Variants in KLF17 observed in about 807,000 individuals in gnomAD.
KLF17 encodes the protein Krueppel-like factor 17.
KLF17 carries 31 observed loss-of-function variants against 34.2 expected under a neutral mutation model. The ratio of observed to expected loss-of-function variants is 0.91; its 90% CI spans 0.68 to 1.22. The LOEUF (loss-of-function observed/expected upper bound fraction) is 1.22. Among genes scored for constraint, KLF17 ranks in the 50% most tolerant of loss-of-function variants. The pLI is 0.00. For synonymous variants in KLF17, 179 were observed against 186.7 expected (o/e 0.96, Z 0.34); for missense variants, 478 against 505.2 (o/e 0.95, Z 0.52).
intron 1 of KLF17, among the ~76,000 whole-genome samples, chr1:44,127,705 T>TTTCTTTCTTTCTTTCTTTC (rs1557732071): frequency 2.3e-5 from 3 of 129,586 alleles, no homozygotes; most frequent in African/African-American, 7.7e-5. Flanking sequence ...TCTTTCTTTC[T>TTTCTTTCTTTCTTTCTTTC]TTCTTTCTTC....
chr1:44,131,861 A>ATT (rs1198874984), intron 3 of KLF17, among the ~76,000 whole-genome samples: 1 of 152,022 alleles, frequency 6.6e-6, no homozygotes, highest in African/African-American at 2.4e-5. Flanking sequence ...CACCCAGCTA[A>ATT]TTTTTGTATT....
At chr1:44,060,083 G>A in the KLF17 span, among the ~76,000 whole-genome samples, 1 of 152,040 alleles carries the variant, frequency 6.6e-6, no homozygotes, top group Non-Finnish European at 1.5e-5. Context: ...CATTTTGTTT[G>A]TGGCCATGAG....
chr1:44,064,717 C>T, the KLF17 span, among the ~76,000 whole-genome samples: 1 of 152,184 alleles, frequency 6.6e-6, no homozygotes, highest in African/African-American at 2.4e-5. Context: ...TATTCACCTT[C>T]ACATATAGGT....
intron 3 of KLF17, among the ~76,000 whole-genome samples, chr1:44,131,182 T>A (rs1014447025): frequency 6.6e-6 from 1 of 152,042 alleles, no homozygotes; most frequent in African/African-American, 2.4e-5. Flanking sequence ...ACAGGAAGAT[T>A]ATGGGTCAGT....
At chr1:44,089,151 G>A in the KLF17 span, among the ~76,000 whole-genome samples, 3 of 152,086 alleles carry the variant, frequency 2.0e-5, no homozygotes, top group Admixed American at 6.6e-5. Flanking sequence ...ACTGTGTTGG[G>A]GGAAAAATGC....
chr1:44,103,255 A>G, the KLF17 span: 245,905 of 684,090 alleles, frequency 0.36, 44,775 homozygotes, highest in Middle Eastern at 0.41. Context: ...TCCCTCCCGG[A>G]CTCTGGGGCA....
chr1:44,083,780 C>A, the KLF17 span, among the ~76,000 whole-genome samples: 2 of 123,520 alleles, frequency 1.6e-5, no homozygotes, highest in African/African-American at 6.6e-5. Flanking sequence ...GGAGACACAG[C>A]GAGACTCTGT....
At chr1:44,089,148 T>C in the KLF17 span, among the ~76,000 whole-genome samples, 1 of 152,126 alleles carries the variant, frequency 6.6e-6, no homozygotes, top group East Asian at 1.9e-4. Context: ...TACACTGTGT[T>C]GGGGGAAAAA....
In KLF17 at chr1:44,133,827, A is replaced by G. The variant is rs2088139666; in HGVS notation, c.*590A>G. 2 of 152,256 alleles carry G rather than the reference A, an allele frequency of 1.3e-5. No individual in the cohort carries two copies. Among genetic ancestry groups the G allele is most frequent in the South Asian group, 2.1e-4 (1 of 4,830 alleles). The allele number at this position is 152,256 out of a possible 1,614,324, so 9.4% of individuals were successfully genotyped here. ...CCAGGTGCCCTTCATCCAAGCTCCTATGTGAGGGGAATGGACATTATTAAA... is the reference window on the plus strand; with the variant it reads ...CCAGGTGCCCTTCATCCAAGCTCCTGTGTGAGGGGAATGGACATTATTAAA... On this transcript the variant is annotated 3_prime_UTR_variant, in exon 4 of 4. Transcript: ENST00000372299.
chr1:44,134,220 A>G lies in KLF17; in HGVS notation c.*983A>G, dbSNP rs933184177. The G allele has an allele frequency of 2.6e-5, 4 of 152,280 alleles. No individual in the cohort carries two copies. The highest frequency in any genetic ancestry group is 7.2e-5 in the African/African-American group (3 of 41,452). 9.4% of individuals were successfully genotyped at this position (152,280 alleles called of 1,614,324 possible). On this transcript the variant is annotated 3_prime_UTR_variant, in exon 4 of 4. Coordinates refer to ENST00000372299, the MANE Select transcript of KLF17 (RefSeq NM_173484.4). ...TTGTGGAGGTCACAATCTAGCGGAGAAAGGATGTTACTAGAAGTACACAAA... is the reference window on the plus strand; with the variant it reads ...TTGTGGAGGTCACAATCTAGCGGAGGAAGGATGTTACTAGAAGTACACAAA...
chr1:44,098,306 G>A, the KLF17 span, among the ~76,000 whole-genome samples: 1 of 151,850 alleles, frequency 6.6e-6, no homozygotes, highest in African/African-American at 2.4e-5. Flanking sequence ...CAGTTGTAAT[G>A]TCTCCCTTTT....
Position 44,129,379 on chromosome 1 carries a change from G to C in KLF17, c.108G>C (p.Leu36Phe). 1.3e-6 allele frequency: 2 copies of C among 1,519,498 alleles called. No individual in the cohort carries two copies. Among genetic ancestry groups the C allele is most frequent in the Non-Finnish European group, 1.8e-6 (2 of 1,134,260 alleles). 94.1% of individuals were successfully genotyped at this position (1,519,498 alleles called of 1,614,324 possible). A position where few individuals can be genotyped will look rare whatever the true frequency, so the allele number is the denominator to read the frequency against. Residue 36 changes from leucine (L) to phenylalanine (F), a missense_variant, in exon 2 of 4, where the codon TTG (leucine) becomes TTC (phenylalanine). Coordinates refer to ENST00000372299, the MANE Select transcript of KLF17 (RefSeq NM_173484.4). ...ATAACGAGAACTCAGCGCCCATCTT[G>C]AACATGTCTTCATCTTCTGGAAGCT... ...AQDNENSAPI[L>F]NMSSSSGSSG...
the KLF17 span, chr1:44,105,370 G>A: frequency 7.6e-6 from 1 of 132,246 alleles, no homozygotes; most frequent in African/African-American, 2.6e-5. Flanking sequence ...TGCTTATAAG[G>A]GATTAAAAAA....
chr1:44,100,188 G>T, the KLF17 span, among the ~76,000 whole-genome samples: 1 of 151,280 alleles, frequency 6.6e-6, no homozygotes, highest in East Asian at 1.9e-4. Context: ...AACCTGGGAG[G>T]CAGAGATTGC....
the KLF17 span, among the ~76,000 whole-genome samples, chr1:44,082,474 G>T: frequency 6.6e-6 from 1 of 152,148 alleles, no homozygotes; most frequent in Non-Finnish European, 1.5e-5. Context: ...ATTGGTCCTA[G>T]ACCAGCAGCA....
chr1:44,111,524 G>C, the KLF17 span, among the ~76,000 whole-genome samples: 1 of 105,024 alleles, frequency 9.5e-6, no homozygotes, highest in African/African-American at 3.6e-5. Flanking sequence ...AATAATTTTA[G>C]GTTTACAGGA....
intron 1 of KLF17, among the ~76,000 whole-genome samples, chr1:44,127,320 A>G (rs976027997): frequency 6.6e-6 from 1 of 152,170 alleles, no homozygotes; most frequent in Non-Finnish European, 1.5e-5. Flanking sequence ...AAAACCTGTG[A>G]AACTGTCACT....
intron 3 of KLF17, among the ~76,000 whole-genome samples, 173 bp downstream of exon 3, chr1:44,130,929 A>G (rs544871986): frequency 6.6e-6 from 1 of 152,110 alleles, no homozygotes; most frequent in East Asian, 1.9e-4. Context: ...CCGAGTAGCT[A>G]GGACTACAGG....
intron 1 of KLF17, among the ~76,000 whole-genome samples, chr1:44,123,762 T>C (rs1483761404): frequency 1.3e-5 from 2 of 152,146 alleles, no homozygotes; most frequent in African/African-American, 2.4e-5. Context: ...TATGTTTTCA[T>C]TTTTATTGGT....
Sources: gnomAD v4.1 joint callset for allele counts (sites outside exome capture counted in the v4.1 genomes callset) on GRCh38, gnomAD v4.1.1 for gene constraint, MANE v1.5 for transcripts, NCBI Gene and HGNC (gene_info 2026-07-23, HGNC 2026-07-21) for gene names.